ZMAT1: variants seen among roughly 807,000 people sequenced by gnomAD.
ZMAT1 encodes the protein zinc finger matrin-type protein 1.
A neutral mutation model predicts 18.5 loss-of-function variants in ZMAT1; 11 were observed. That is an observed-to-expected ratio of 0.59 (90% confidence interval 0.37 to 0.98). The LOEUF (loss-of-function observed/expected upper bound fraction) is 0.98. Among genes scored for constraint, ZMAT1 ranks in the 50% least tolerant of loss-of-function variants. The pLI is 0.01. For missense variants in ZMAT1, 525 were observed against 496.2 expected (o/e 1.06, Z -0.55); for synonymous variants, 211 against 176.4 (o/e 1.20, Z -1.55).
chrX:101,908,356 C>A (rs1423711687), intron 1 of ZMAT1, among the ~76,000 whole-genome samples: 1 of 111,630 alleles, frequency 9.0e-6, no homozygotes, highest in African/African-American at 3.3e-5. Context: ...GATGGCAGAA[C>A]AGAAAGCTCT....
At chrX:101,918,644 A>G (rs1304567925) in intron 1 of ZMAT1, 2 of 111,117 alleles carry the variant, frequency 1.8e-5, no homozygotes, top group Admixed American at 9.6e-5. Context: ...CTCAAAAAAA[A>G]AAGTAAAAAT....
In ZMAT1 at chrX:101,883,940, G is replaced by A; in HGVS notation, c.1658C>T (p.Pro553Leu). The change falls in exon 6 of 6, where the codon CCA becomes CTA. Residue 553 changes from proline to leucine, a missense_variant. Coordinates refer to ENST00000651725, the MANE Select transcript of ZMAT1 (RefSeq NM_001394560.1). ...QLTRDCFPEK[P>L]VPLSLNQQEN... is the part of the protein sequence containing the mutation. ...TTGCTGATTAAGGCTCAAGGGTACT[G>A]GTTTTTCTGGGAAACAGTCTCTGGT... 8.3e-7 allele frequency: 1 copy of A among 1,210,276 alleles called. No homozygotes were observed. The highest frequency in any genetic ancestry group is 1.1e-6 in the Non-Finnish European group (1 of 894,991).
chrX:101,914,869 G>A (rs1319032075), intron 1 of ZMAT1, among the ~76,000 whole-genome samples: 1 of 111,290 alleles, frequency 9.0e-6, no homozygotes, highest in East Asian at 2.8e-4. Flanking sequence ...ACCAAAAACA[G>A]ACAAAGAGAC....
intron 1 of ZMAT1, among the ~76,000 whole-genome samples, chrX:101,916,854 T>C (rs1305185779): frequency 9.0e-6 from 1 of 111,271 alleles, no homozygotes; most frequent in African/African-American, 3.3e-5. Flanking sequence ...CATAGACCAA[T>C]GGAACAGAAT....
intron 2 of ZMAT1, among the ~76,000 whole-genome samples, chrX:101,902,776 G>C (rs1312089855): frequency 9.0e-6 from 1 of 111,491 alleles, no homozygotes. Context: ...TGTATAGAAT[G>C]GTTTATTAAA....
chrX:101,888,647 G>A (rs1927145808), intron 4 of ZMAT1: 1 of 111,672 alleles, frequency 9.0e-6, no homozygotes, highest in Admixed American at 9.5e-5. Context: ...GCAGCCCACA[G>A]GCCACATGTG....
chrX:101,908,286 T>G (rs1361039052), intron 1 of ZMAT1, among the ~76,000 whole-genome samples: 2 of 112,188 alleles, frequency 1.8e-5, no homozygotes, highest in Non-Finnish European at 3.8e-5. Flanking sequence ...TGGTATAATC[T>G]TGAACTTCCC....
intron 4 of ZMAT1, chrX:101,887,396 G>C (rs761474816): frequency 3.6e-6 from 1 of 274,103 alleles, no homozygotes; most frequent in Non-Finnish European, 5.0e-6. Context: ...CACTTTGTAG[G>C]TAGAATTAGA....
chrX:101,888,479 A>G (rs978467747), intron 4 of ZMAT1: 4 of 111,587 alleles, frequency 3.6e-5, no homozygotes, highest in African/African-American at 1.3e-4. Flanking sequence ...ATCATATGGA[A>G]AAATTCAAAA....
Position 101,931,607 on chromosome X carries a change from G to A in ZMAT1, c.292+110C>T, listed in dbSNP as rs1205273746. ...CGAGCTTGGCCTTTACTGCGCCACG[G>A]CAGGTGGGGGTGGGGCAGTGGCGAA... On this transcript the variant is annotated intron_variant, in intron 1 of 5. Transcript: ENST00000651725. 11 of 552,861 alleles carry A rather than the reference G, an allele frequency of 2.0e-5. No individual in the cohort carries two copies. In the African/African-American group the frequency reaches 7.1e-4, roughly 36 times the overall value. 45.6% of individuals were successfully genotyped at this position (552,861 alleles called of 1,213,427 possible). A position where few individuals can be genotyped will look rare whatever the true frequency, so the allele number is the denominator to read the frequency against.
At chrX:101,911,548 C>T (rs1453080597) in intron 1 of ZMAT1, 12 of 1,107,850 alleles carry the variant, frequency 1.1e-5, no homozygotes, top group Middle Eastern at 2.5e-4. Context: ...CCAACAACAG[C>T]GAATCCACAC....
intron 4 of ZMAT1, 52 bp downstream of exon 4, chrX:101,897,816 A>C (rs1394781782): frequency 8.9e-7 from 1 of 1,123,567 alleles, no homozygotes; most frequent in African/African-American, 1.8e-5. Context: ...AGTTAGACAA[A>C]ACATGATAGG....
intron 1 of ZMAT1, 178 bp downstream of exon 1, chrX:101,931,539 C>G (rs376015123): frequency 2.7e-6 from 2 of 737,850 alleles, no homozygotes; most frequent in African/African-American, 4.6e-5. Context: ...CTGCTTCAGT[C>G]CATCTTGCAC....
At chrX:101,895,038 CCCACTTCTAT>C (rs1927699000) in intron 4 of ZMAT1, 1 of 214,093 alleles carries the variant, frequency 4.7e-6, no homozygotes, top group African/African-American at 3.1e-5. Flanking sequence ...CTTTCTTCTT[CCCACTTCTAT>C]CCACTGAAAA....
At chrX:101,907,292 A>G (rs1053819346) in intron 1 of ZMAT1, among the ~76,000 whole-genome samples, 1 of 111,553 alleles carries the variant, frequency 9.0e-6, no homozygotes, top group Non-Finnish European at 1.9e-5. Flanking sequence ...CTGTAGGTCC[A>G]TTCCTCAAGA....
intron 1 of ZMAT1, among the ~76,000 whole-genome samples, chrX:101,906,050 GAGA>G (rs1489115532): frequency 1.8e-5 from 2 of 111,055 alleles, no homozygotes; most frequent in Non-Finnish European, 3.8e-5. Context: ...CTCTGTGTGA[GAGA>G]AGGAGAGGGA....
In ZMAT1 at chrX:101,912,771, G is replaced by T. The variant is rs374466390; in HGVS notation, c.293-8441C>A. ...TCAGTGTACTATAAACAGGTTTTTA[G>T]TTATCCCTGCATTATTTTTGCAATT... On this transcript the variant is annotated intron_variant, in intron 1 of 5. Transcript: ENST00000651725. Among the ~76,000 whole-genome samples, 29 of 111,889 alleles carry T rather than the reference G, an allele frequency of 2.6e-4. 3 individuals carry two copies. The highest frequency in any genetic ancestry group is 2.0e-3 in the East Asian group (7 of 3,561).
chrX:101,892,124 GCT>G (rs1482340043), intron 4 of ZMAT1, among the ~76,000 whole-genome samples: 1 of 110,892 alleles, frequency 9.0e-6, no homozygotes, highest in Non-Finnish European at 1.9e-5. Context: ...TAAAATTGTC[GCT>G]AAGGGGAAAG....
At chrX:101,931,071 C>T (rs1043762608) in intron 1 of ZMAT1, among the ~76,000 whole-genome samples, 11 of 111,662 alleles carry the variant, frequency 9.9e-5, no homozygotes, top group Admixed American at 8.5e-4. Context: ...CTCTCTTCCT[C>T]TCTTTCCCTA....
Sources: allele counts gnomAD v4.1 joint callset (sites outside exome capture counted in the v4.1 genomes callset), GRCh38; gene constraint gnomAD v4.1.1; transcripts MANE v1.5; gene names NCBI Gene and HGNC (gene_info 2026-07-23, HGNC 2026-07-21).